The following VAT1L variants were observed in gnomAD, a reference collection of about 807,000 sequenced individuals.
The protein encoded by VAT1L is vesicle amine transport 1 like.
A neutral mutation model predicts 44.1 loss-of-function variants in VAT1L; 34 were observed. The ratio of observed to expected loss-of-function variants is 0.77; its 90% CI spans 0.59 to 1.03. VAT1L has a LOEUF of 1.03. VAT1L is among the 50% of genes least tolerant of loss of function. The pLI is 0.00. For missense variants in VAT1L, 615 were observed against 538.8 expected (o/e 1.14, Z -1.40); for synonymous variants, 253 against 202.2 (o/e 1.25, Z -2.13).
intron 2 of VAT1L, 121 bp from the exon 3 acceptor site, chr16:77,825,125 C>T (rs2016503490): frequency 8.5e-6 from 9 of 1,055,878 alleles, no homozygotes; most frequent in African/African-American, 3.1e-5. Context: ...CCTCAGCCTC[C>T]CAAAGTGCTG....
chr16:77,841,011 C>A (rs1291223303), intron 3 of VAT1L, among the ~76,000 whole-genome samples: 1 of 152,168 alleles, frequency 6.6e-6, no homozygotes, highest in Non-Finnish European at 1.5e-5. Context: ...TAGCTTCAAA[C>A]CTTAAGCAAG....
chr16:77,901,155 T>A (rs1024088588), intron 7 of VAT1L, among the ~76,000 whole-genome samples: 1 of 20,378 alleles, frequency 4.9e-5, no homozygotes, highest in Non-Finnish European at 1.7e-4. Context: ...TAGTTTACCT[T>A]TTTTTTTTTT....
intron 3 of VAT1L, among the ~76,000 whole-genome samples, chr16:77,854,235 C>T (rs534163621): frequency 3.3e-5 from 5 of 152,326 alleles, no homozygotes; most frequent in Admixed American, 3.3e-4. Flanking sequence ...CCATGCACCC[C>T]TGTAACCTCC....
intron 7 of VAT1L, among the ~76,000 whole-genome samples, chr16:77,939,753 G>A (rs780787530): frequency 2.0e-5 from 3 of 152,170 alleles, no homozygotes; most frequent in Non-Finnish European, 4.4e-5. Flanking sequence ...TCAATTTATT[G>A]TCTTATATCT....
At chr16:77,918,781 C>G (rs1029262701) in intron 7 of VAT1L, among the ~76,000 whole-genome samples, 3 of 152,160 alleles carry the variant, frequency 2.0e-5, no homozygotes, top group Admixed American at 6.5e-5. Context: ...CCTTCCAACT[C>G]TGAGCTCCCT....
At chr16:77,955,031 T>C (rs976376910) in intron 7 of VAT1L, among the ~76,000 whole-genome samples, 2 of 152,178 alleles carry the variant, frequency 1.3e-5, no homozygotes, top group Non-Finnish European at 2.9e-5. Context: ...AGAGACCATA[T>C]TGTGTTCTGT....
At chr16:77,939,758 A>C (rs370972586) in intron 7 of VAT1L, among the ~76,000 whole-genome samples, 1 of 152,212 alleles carries the variant, frequency 6.6e-6, no homozygotes, top group Non-Finnish European at 1.5e-5. Context: ...TTATTGTCTT[A>C]TATCTTGAGG....
At chr16:77,876,264 G>A (rs1165116411) in intron 4 of VAT1L, 106 bp from the exon 5 acceptor site, 1 of 956,022 alleles carries the variant, frequency 1.0e-6, no homozygotes, top group Non-Finnish European at 1.7e-6. Flanking sequence ...GAGCTTTCAG[G>A]GTTCCTAATT....
chr16:77,879,811 G>C lies in VAT1L; in HGVS notation c.882+587G>C, dbSNP rs779833060. On this transcript the variant is annotated intron_variant, in intron 6 of 8. Transcript: ENST00000302536. This position sits in a 1 kb window ranked among gnomAD's most constrained non-coding sequence, Gnocchi z 4.1. The stretch of plus-strand genomic sequence containing the variant: ...TTAAGTGTTGGTGTCTTTAATTATT[G>C]GTCAAAAATGAACTTAGCATTAGTG... Among the ~76,000 whole-genome samples the C allele has an allele frequency of 1.3e-5, 2 of 152,130 alleles. No homozygotes were observed. The highest frequency in any genetic ancestry group is 2.9e-5 in the Non-Finnish European group (2 of 68,020).
chr16:77,949,628 C>G lies in VAT1L; in HGVS notation c.1078-22222C>G, dbSNP rs1433970508. ...TTGCTAAAAAGAGCCTAGTGCCTCA[C>G]CTCTCTGTCTTGCTTCCTCTCTCAC... On this transcript the variant is annotated intron_variant, in intron 7 of 8. Coordinates refer to ENST00000302536, the MANE Select transcript of VAT1L (RefSeq NM_020927.3). 9.8e-5 allele frequency among the ~76,000 whole-genome samples: 15 copies of G among 152,300 alleles called. No homozygotes were observed. The East Asian group carries it at 2.7e-3, about 27-fold the overall frequency.
In VAT1L at chr16:77,816,459, T is replaced by C. The variant is rs567292502; in HGVS notation, c.234-462T>C. Among the ~76,000 whole-genome samples, 3 of 152,336 alleles carry C rather than the reference T, an allele frequency of 2.0e-5. No individual in the cohort carries two copies. In the South Asian group the frequency reaches 6.2e-4, roughly 32 times the overall value. ...GTTGGTTGTTTTGAGACCTTAGGTC[T>C]TCTTTCTCTTTCTCAGGCACTGGCT... On this transcript the variant is annotated intron_variant, in intron 1 of 8. Coordinates refer to ENST00000302536, the MANE Select transcript of VAT1L (RefSeq NM_020927.3).
intron 7 of VAT1L, among the ~76,000 whole-genome samples, chr16:77,907,143 T>C (rs1486493641): frequency 6.6e-6 from 1 of 152,084 alleles, no homozygotes; most frequent in African/African-American, 2.4e-5. Context: ...ACGCTGTAAA[T>C]ACTCCCATCG....
At chr16:77,910,465 G>T (rs1179297433) in intron 7 of VAT1L, among the ~76,000 whole-genome samples, 2 of 152,104 alleles carry the variant, frequency 1.3e-5, no homozygotes, top group African/African-American at 2.4e-5. Context: ...AAGGTCAGGA[G>T]ATCGAGACCA....
intron 7 of VAT1L, among the ~76,000 whole-genome samples, chr16:77,937,809 G>C (rs1389779315): frequency 6.6e-6 from 1 of 152,176 alleles, no homozygotes; most frequent in Non-Finnish European, 1.5e-5. Flanking sequence ...AAGGGGAGGA[G>C]ATAACCTGAG....
At chr16:77,925,355 C>T (rs1219813022) in intron 7 of VAT1L, among the ~76,000 whole-genome samples, 1 of 152,132 alleles carries the variant, frequency 6.6e-6, no homozygotes, top group Non-Finnish European at 1.5e-5. Flanking sequence ...TGAATTTGAT[C>T]CCAGCTTTAC....
intron 3 of VAT1L, among the ~76,000 whole-genome samples, chr16:77,827,713 T>C (rs1047741359): frequency 1.3e-5 from 2 of 152,196 alleles, no homozygotes; most frequent in Non-Finnish European, 2.9e-5. Flanking sequence ...TTCATTTGAT[T>C]GAAATAAAAC....
chr16:77,967,980 T>C (rs1157789844), intron 7 of VAT1L, among the ~76,000 whole-genome samples: 1 of 152,226 alleles, frequency 6.6e-6, no homozygotes, highest in Non-Finnish European at 1.5e-5. Flanking sequence ...ATTAACTACG[T>C]AATCTTTGGG....
chr16:77,801,286 C>T (rs2016046941), intron 1 of VAT1L: 1 of 152,156 alleles, frequency 6.6e-6, no homozygotes, highest in African/African-American at 2.4e-5. Context: ...GAGACCTTGG[C>T]TTCAAAACAG....
chr16:77,790,916 G>A (rs371245298), intron 1 of VAT1L, among the ~76,000 whole-genome samples: 6 of 152,304 alleles, frequency 3.9e-5, no homozygotes, highest in African/African-American at 1.4e-4. Context: ...AAAGCCAGAT[G>A]TGAAAGCCTG....
Sources: gnomAD v4.1 joint callset for allele counts (sites outside exome capture counted in the v4.1 genomes callset) on GRCh38, gnomAD v4.1.1 for gene constraint, Gnocchi (gnomAD v3.1) non-coding constraint, MANE v1.5 for transcripts, NCBI Gene and HGNC (gene_info 2026-07-23, HGNC 2026-07-21) for gene names.